STK39: variants seen among roughly 807,000 people sequenced by gnomAD.
The protein encoded by STK39 is STE20/SPS1-related proline-alanine-rich protein kinase.
In STK39, 20 loss-of-function variants were observed where a neutral mutation model predicts 77.8. The observed-to-expected ratio is 0.26, with a 90% CI of 0.18 to 0.37. The LOEUF (loss-of-function observed/expected upper bound fraction) is 0.37, where lower values mean the gene tolerates loss of function less well. STK39 is among the 10% of genes least tolerant of loss of function. The pLI, the probability that STK39 is intolerant of heterozygous loss-of-function variation, is 1.00. For synonymous variants in STK39, 246 were observed against 234.1 expected (o/e 1.05, Z -0.47); for missense variants, 479 against 656.5 (o/e 0.73, Z 2.95).
intron 14 of STK39, among the ~76,000 whole-genome samples, chr2:168,018,521 AAAGAAAGAAAAGAAAGAAAAGAAAG>A (rs1179847960): frequency 4.1e-4 from 40 of 98,418 alleles, no homozygotes; most frequent in African/African-American, 2.2e-3. Flanking sequence ...AAAAGAAAGA[AAAGAAAGAAAAGAAAGAAAAGAAAG>A]AAAGAAAGAA....
intron 14 of STK39, among the ~76,000 whole-genome samples, chr2:168,035,664 A>G (rs9287891): frequency 0.77 from 116,371 of 152,094 alleles, 44,661 homozygotes; most frequent in African/African-American, 0.79. Flanking sequence ...GAGAAACCAC[A>G]TAGAAACAAA....
intron 1 of STK39, among the ~76,000 whole-genome samples, chr2:168,200,667 ACT>A (rs565968037): frequency 1.3e-3 from 185 of 145,186 alleles, no homozygotes; most frequent in African/African-American, 4.6e-3. Context: ...ACAGAGCAAG[ACT>A]CTGTCTCAAA....
chr2:168,143,516 T>C (rs996314911), intron 5 of STK39, among the ~76,000 whole-genome samples: 2 of 151,986 alleles, frequency 1.3e-5, no homozygotes, highest in African/African-American at 4.8e-5. Context: ...TTCAAGACCA[T>C]CCAGGCCAAC....
At chr2:167,975,990 T>C (rs903776130) in intron 16 of STK39, among the ~76,000 whole-genome samples, 1 of 152,188 alleles carries the variant, frequency 6.6e-6, no homozygotes, top group Non-Finnish European at 1.5e-5. Context: ...ACAATTACTC[T>C]ATCTGCCAAA....
chr2:168,137,275 T>C (rs776634416), intron 8 of STK39, among the ~76,000 whole-genome samples: 6 of 152,148 alleles, frequency 3.9e-5, no homozygotes, highest in Non-Finnish European at 8.8e-5. Context: ...TGGATTAGGA[T>C]AGATAGGAAC....
chr2:168,153,786 C>T (rs1688354111), intron 5 of STK39, among the ~76,000 whole-genome samples: 1 of 151,978 alleles, frequency 6.6e-6, no homozygotes, highest in African/African-American at 2.4e-5. Flanking sequence ...GTAAGGAGGC[C>T]GATTTGACTG....
chr2:168,194,765 T>C lies in STK39; in HGVS notation c.209-12675A>G, dbSNP rs186165725. On this transcript the variant is annotated intron_variant, in intron 1 of 17. Coordinates refer to ENST00000355999, the MANE Select transcript of STK39 (RefSeq NM_013233.3). ...TGCATCTGCTGTTATTCAACTTATG[T>C]TGAGCCTCCAGTCATACTCACATTA... Among the ~76,000 whole-genome samples, 333 of 152,356 alleles carry C rather than the reference T, an allele frequency of 2.2e-3. 3 individuals are homozygous for C. Among genetic ancestry groups the C allele is most frequent in the African/African-American group, 7.8e-3 (324 of 41,594 alleles).
At chr2:168,185,138 G>A (rs1689176250) in intron 1 of STK39, among the ~76,000 whole-genome samples, 1 of 152,140 alleles carries the variant, frequency 6.6e-6, no homozygotes, top group African/African-American at 2.4e-5. Flanking sequence ...ATATGATACT[G>A]ACACATGACT....
rs1420650723 is a variant in STK39, at chr2:167,954,160, G to A, written c.*1336C>T. ...AGAACACCTTAACAATTATGACAAG[G>A]CAATTATAAATAACTTTTTTTCCTT... On this transcript the variant is annotated 3_prime_UTR_variant, in exon 18 of 18. Coordinates refer to ENST00000355999, the MANE Select transcript of STK39 (RefSeq NM_013233.3). The A allele has an allele frequency of 3.3e-5, 5 of 152,478 alleles. No homozygotes were observed. Among genetic ancestry groups the A allele is most frequent in the Admixed American group, 2.0e-4 (3 of 15,272 alleles). 9.4% of individuals were successfully genotyped at this position (152,478 alleles called of 1,614,324 possible). A position where few individuals can be genotyped will look rare whatever the true frequency, so the allele number is the denominator to read the frequency against.
intron 10 of STK39, among the ~76,000 whole-genome samples, chr2:168,090,701 A>G (rs1212638944): frequency 6.6e-6 from 1 of 152,244 alleles, no homozygotes; most frequent in Non-Finnish European, 1.5e-5. Context: ...TTCTGGGCCA[A>G]GAGTCTCACC....
chr2:168,020,063 T>C (rs1214006223), intron 14 of STK39, among the ~76,000 whole-genome samples: 1 of 152,174 alleles, frequency 6.6e-6, no homozygotes, highest in Non-Finnish European at 1.5e-5. Flanking sequence ...CTTTCATATA[T>C]ATTAGCAGTT....
intron 2 of STK39, among the ~76,000 whole-genome samples, chr2:168,170,954 T>C (rs1032545982): frequency 2.6e-5 from 4 of 152,124 alleles, no homozygotes; most frequent in Non-Finnish European, 4.4e-5. Flanking sequence ...AGGTCAAAGA[T>C]GGGAGAAACT....
At chr2:168,114,604 C>A (rs1813140) in intron 10 of STK39, among the ~76,000 whole-genome samples, 2 of 152,152 alleles carry the variant, frequency 1.3e-5, no homozygotes, top group Admixed American at 6.5e-5. Context: ...CAAGGTTATA[C>A]GTTCTTTTTA....
chr2:168,097,743 A>AC (rs201693039), intron 10 of STK39, among the ~76,000 whole-genome samples: 117 of 148,550 alleles, frequency 7.9e-4, no homozygotes, highest in Non-Finnish European at 1.5e-3. Flanking sequence ...CAAAAACAAA[A>AC]AAAAAAAAAA....
chr2:168,085,414 T>C (rs1304160233), intron 10 of STK39, among the ~76,000 whole-genome samples: 1 of 152,174 alleles, frequency 6.6e-6, no homozygotes, highest in Non-Finnish European at 1.5e-5. Flanking sequence ...CTTTAAGACG[T>C]GTGTATTCCT....
At chr2:167,989,670 C>T (rs563129414) in intron 16 of STK39, among the ~76,000 whole-genome samples, 1 of 152,102 alleles carries the variant, frequency 6.6e-6, no homozygotes, top group South Asian at 2.1e-4. Context: ...AGTCTTCATC[C>T]CTATTTACAT....
At chr2:168,168,889 A>C (rs190006720) in intron 2 of STK39, among the ~76,000 whole-genome samples, 5 of 152,274 alleles carry the variant, frequency 3.3e-5, no homozygotes, top group Admixed American at 6.5e-5. Flanking sequence ...AAGCTGAGGA[A>C]CGAGAATCAC....
At chr2:168,120,820 A>G (rs1255657229) in intron 10 of STK39, among the ~76,000 whole-genome samples, 2 of 152,192 alleles carry the variant, frequency 1.3e-5, no homozygotes, top group Non-Finnish European at 2.9e-5. Flanking sequence ...GGTATCTAAC[A>G]ACTGTTGATG....
At chr2:168,088,836 A>G (rs576834321) in intron 10 of STK39, among the ~76,000 whole-genome samples, 3 of 152,326 alleles carry the variant, frequency 2.0e-5, no homozygotes, top group African/African-American at 7.2e-5. Context: ...AGGAGGCCCA[A>G]TAAATAACCC....
Sources: gnomAD v4.1 joint callset for allele counts (sites outside exome capture counted in the v4.1 genomes callset) on GRCh38, gnomAD v4.1.1 for gene constraint, MANE v1.5 for transcripts, NCBI Gene and HGNC (gene_info 2026-07-23, HGNC 2026-07-21) for gene names.